CCDC7: variants seen among roughly 807,000 people sequenced by gnomAD.
The protein encoded by CCDC7 is coiled-coil domain-containing protein 7.
CCDC7 carries 183 observed loss-of-function variants against 196.9 expected under a neutral mutation model. The ratio of observed to expected loss-of-function variants is 0.93; its 90% CI spans 0.82 to 1.05. The LOEUF is 1.05. CCDC7 is among the 50% of genes least tolerant of loss of function. CCDC7 has a pLI of 0.00. For missense variants in CCDC7, 1,540 were observed against 1,482.2 expected (o/e 1.04, Z -0.64); for synonymous variants, 525 against 484.6 (o/e 1.08, Z -1.10).
At chr10:32,474,246 CAG>C (rs1385815684) in intron 8 of CCDC7, among the ~76,000 whole-genome samples, 4 of 96,512 alleles carry the variant, frequency 4.1e-5, no homozygotes, top group African/African-American at 1.6e-4. Flanking sequence ...TTTTTGGAGA[CAG>C]AGTCTTGCTC....
intron 29 of CCDC7, among the ~76,000 whole-genome samples, chr10:32,798,479 G>C (rs752242153): frequency 6.6e-6 from 1 of 152,202 alleles, no homozygotes; most frequent in Non-Finnish European, 1.5e-5. Context: ...CTCTCCACTT[G>C]ATTATTAAAG....
chr10:32,487,339 G>T (rs548097611), intron 8 of CCDC7, among the ~76,000 whole-genome samples: 9 of 152,246 alleles, frequency 5.9e-5, no homozygotes, highest in Admixed American at 3.3e-4. Flanking sequence ...AGCTCCATCA[G>T]TCCTTTAAGG....
intron 24 of CCDC7, 97 bp from the exon 26 acceptor site, chr10:32,711,523 A>G: frequency 1.4e-6 from 1 of 698,232 alleles, no homozygotes; most frequent in Non-Finnish European, 2.4e-6. Context: ...TATAAGATGA[A>G]AGAAAATGTT....
intron 15 of CCDC7, among the ~76,000 whole-genome samples, chr10:32,570,420 A>G (rs1244335321): frequency 5.3e-5 from 8 of 152,192 alleles, no homozygotes. Context: ...GTTATTTATT[A>G]GTTAGTATAT....
chr10:32,852,563 AC>A (rs2136293242), intron 40 of CCDC7, among the ~76,000 whole-genome samples: 1 of 152,076 alleles, frequency 6.6e-6, no homozygotes, highest in South Asian at 2.1e-4. Context: ...GCTCACTGCA[AC>A]CTCCACCTTC....
chr10:32,790,146 T>A (rs1343444271), intron 29 of CCDC7, among the ~76,000 whole-genome samples: 1 of 152,068 alleles, frequency 6.6e-6, no homozygotes, highest in African/African-American at 2.4e-5. Context: ...TGGTCTACAG[T>A]TTTGAAATCT....
At chr10:32,875,438 G>T (rs2094570820) in intron 41 of CCDC7, among the ~76,000 whole-genome samples, 1 of 151,878 alleles carries the variant, frequency 6.6e-6, no homozygotes, top group African/African-American at 2.4e-5. Flanking sequence ...AAGATCAGAT[G>T]GTTGTAGATG....
chr10:32,585,113 G>A lies in CCDC7; in HGVS notation c.1801+809G>A, dbSNP rs547642816. Reference sequence around the variant, plus strand: ...TTTTGAGACAGAGTCTTGCTCTGTCGCCCAGGCTGTAGTGCAGTGGCATGA... The same window carrying A: ...TTTTGAGACAGAGTCTTGCTCTGTCACCCAGGCTGTAGTGCAGTGGCATGA... On this transcript the variant is annotated intron_variant, in intron 18 of 41. Coordinates refer to ENST00000639629, the Ensembl canonical transcript of CCDC7. Among the ~76,000 whole-genome samples, 1,231 of 149,152 alleles carry A rather than the reference G, an allele frequency of 8.3e-3. 7 individuals are homozygous for A. The highest frequency in any genetic ancestry group is 0.021 in the Middle Eastern group (6 of 288).
At chr10:32,858,936 CAA>C (rs1317788840) in intron 41 of CCDC7, among the ~76,000 whole-genome samples, 6 of 152,070 alleles carry the variant, frequency 3.9e-5, no homozygotes, top group Non-Finnish European at 8.8e-5. Flanking sequence ...TAGAGACCTA[CAA>C]AGAGACTTAG....
intron 28 of CCDC7, among the ~76,000 whole-genome samples, chr10:32,770,303 G>C (rs1055788805): frequency 1.3e-5 from 2 of 152,040 alleles, no homozygotes; most frequent in Non-Finnish European, 2.9e-5. Context: ...AGAGGTTTTG[G>C]TATATTGTAT....
chr10:32,584,958 T>A (rs2137569909), intron 18 of CCDC7, among the ~76,000 whole-genome samples: 1 of 152,214 alleles, frequency 6.6e-6, no homozygotes, highest in South Asian at 2.1e-4. Flanking sequence ...ATGTAATATT[T>A]TTGCTAGGTT....
intron 31 of CCDC7, among the ~76,000 whole-genome samples, chr10:32,820,838 T>C (rs2090019739): frequency 6.6e-6 from 1 of 152,136 alleles, no homozygotes; most frequent in African/African-American, 2.4e-5. Context: ...AAGACTTAAA[T>C]GTTAGACCTA....
intron 29 of CCDC7, among the ~76,000 whole-genome samples, chr10:32,796,132 T>C (rs1224257050): frequency 6.6e-6 from 1 of 152,028 alleles, no homozygotes; most frequent in Non-Finnish European, 1.5e-5. Context: ...TTCCCAGGGA[T>C]TGAGGCAGGG....
intron 11 of CCDC7, among the ~76,000 whole-genome samples, chr10:32,536,537 G>A (rs1015420232): frequency 2.1e-4 from 32 of 152,136 alleles, no homozygotes; most frequent in African/African-American, 7.0e-4. Flanking sequence ...TAGGTTTAGG[G>A]GTACATGAGC....
intron 18 of CCDC7, among the ~76,000 whole-genome samples, chr10:32,591,158 T>C (rs918060484): frequency 6.6e-6 from 1 of 152,070 alleles, no homozygotes; most frequent in Non-Finnish European, 1.5e-5. Flanking sequence ...ATTTTGCCTT[T>C]TTGGACTTTG....
At chr10:32,485,894 G>A (rs966595668) in intron 8 of CCDC7, among the ~76,000 whole-genome samples, 1 of 152,192 alleles carries the variant, frequency 6.6e-6, no homozygotes, top group African/African-American at 2.4e-5. Context: ...TTTTACATTT[G>A]CTGAGGAGTG....
chr10:32,833,912 G>T (rs1565652530), intron 32 of CCDC7, among the ~76,000 whole-genome samples: 1 of 152,046 alleles, frequency 6.6e-6, no homozygotes, highest in Non-Finnish European at 1.5e-5. Flanking sequence ...TCACACTACA[G>T]TCACATGCTC....
At chr10:32,631,329 G>A (rs1219933679) in intron 18 of CCDC7, among the ~76,000 whole-genome samples, 2 of 152,146 alleles carry the variant, frequency 1.3e-5, no homozygotes, top group Non-Finnish European at 2.9e-5. Context: ...TGAGTTGCCT[G>A]TAGTGTGAGA....
exon 14 of CCDC7, chr10:32,565,618 C>G: frequency 1.2e-6 from 2 of 1,607,984 alleles, no homozygotes; most frequent in Non-Finnish European, 1.7e-6. Flanking sequence ...ACAGGCTTTA[C>G]AGGTAAAGGA....
Sources: allele counts gnomAD v4.1 joint callset (sites outside exome capture counted in the v4.1 genomes callset), GRCh38; gene constraint gnomAD v4.1.1; transcripts MANE v1.5; gene names NCBI Gene and HGNC (gene_info 2026-07-23, HGNC 2026-07-21).